Variants in ACVR2A observed in about 807,000 individuals in gnomAD.
The protein encoded by ACVR2A is activin A receptor type 2A.
A neutral mutation model predicts 61.4 loss-of-function variants in ACVR2A; 7 were observed. That is an observed-to-expected ratio of 0.11 (90% CI 0.06 to 0.21). The LOEUF is 0.21. ACVR2A is among the 10% of genes least tolerant of loss of function. ACVR2A has a pLI of 1.00. For synonymous variants in ACVR2A, 193 were observed against 208.3 expected (o/e 0.93, Z 0.63); for missense variants, 322 against 621.7 (o/e 0.52, Z 5.13).
At chr2:147,902,690 T>C (rs1027283863) in intron 4 of ACVR2A, among the ~76,000 whole-genome samples, 3 of 152,020 alleles carry the variant, frequency 2.0e-5, no homozygotes, top group African/African-American at 7.2e-5. Flanking sequence ...GTGATTGGGC[T>C]GTAGATAAAA....
At chr2:147,892,166 T>G (rs774953189) in intron 1 of ACVR2A, among the ~76,000 whole-genome samples, 18 of 152,000 alleles carry the variant, frequency 1.2e-4, no homozygotes, top group Non-Finnish European at 2.4e-4. Flanking sequence ...GAGAAGGGGT[T>G]TCACCATGTT....
intron 4 of ACVR2A, among the ~76,000 whole-genome samples, chr2:147,903,313 T>A (rs1686914872): frequency 6.6e-6 from 1 of 151,266 alleles, no homozygotes; most frequent in South Asian, 2.1e-4. Flanking sequence ...TTTATTCTTA[T>A]TCATCCTGGA....
chr2:147,912,031 A>T (rs1687132383), intron 4 of ACVR2A, among the ~76,000 whole-genome samples: 1 of 151,920 alleles, frequency 6.6e-6, no homozygotes, highest in African/African-American at 2.4e-5. Flanking sequence ...CTACAGGAGT[A>T]TAACTTTTGA....
intron 1 of ACVR2A, among the ~76,000 whole-genome samples, chr2:147,864,206 A>G (rs142615154): frequency 3.4e-3 from 510 of 152,054 alleles, no homozygotes; most frequent in East Asian, 8.3e-3. Context: ...TTCCTAATTG[A>G]AGGACCTCAA....
intron 2 of ACVR2A, chr2:147,896,816 A>C: frequency 4.4e-6 from 1 of 225,088 alleles, no homozygotes; most frequent in Non-Finnish European, 8.9e-6. Flanking sequence ...TTTAAGGAAA[A>C]CATTTAAAAA....
In ACVR2A at chr2:147,929,065, A is replaced by G. The variant is rs1049891994; in HGVS notation, c.*1791A>G. On this transcript the variant is annotated 3_prime_UTR_variant, in exon 11 of 11. Transcript: ENST00000241416. The stretch of plus-strand genomic sequence containing the variant: ...TAAATTAATTATGTTATTTATAAAC[A>G]ATACATAGGTCAACAGACTTTAAGC... 4.6e-5 allele frequency: 7 copies of G among 152,456 alleles called. No homozygotes were observed. Among genetic ancestry groups the G allele is most frequent in the African/African-American group, 1.7e-4 (7 of 41,432 alleles). 9.4% of individuals were successfully genotyped at this position (152,456 alleles called of 1,614,324 possible).
intron 4 of ACVR2A, among the ~76,000 whole-genome samples, chr2:147,902,391 A>G (rs747841565): frequency 2.0e-5 from 3 of 152,000 alleles, no homozygotes; most frequent in Non-Finnish European, 4.4e-5. Context: ...TTCATAAAGC[A>G]CATGCCTTTT....
intron 2 of ACVR2A, among the ~76,000 whole-genome samples, chr2:147,899,030 TAC>T (rs1293156753): frequency 6.6e-6 from 1 of 152,160 alleles, no homozygotes; most frequent in African/African-American, 2.4e-5. Flanking sequence ...TACACACACA[TAC>T]ACAGTTTTAT....
chr2:147,855,115 A>C (rs552225461), intron 1 of ACVR2A, among the ~76,000 whole-genome samples: 1 of 152,274 alleles, frequency 6.6e-6, no homozygotes, highest in African/African-American at 2.4e-5. Context: ...TCCTGTCTCA[A>C]GTGATCTGCC....
intron 1 of ACVR2A, among the ~76,000 whole-genome samples, chr2:147,848,852 A>G (rs1391117911): frequency 1.3e-5 from 2 of 152,110 alleles, no homozygotes; most frequent in African/African-American, 2.4e-5. Flanking sequence ...AAACTCTTAA[A>G]TTTTAAAAGC....
intron 1 of ACVR2A, among the ~76,000 whole-genome samples, chr2:147,885,105 T>C (rs1244452434): frequency 2.0e-5 from 3 of 152,114 alleles, no homozygotes; most frequent in African/African-American, 7.2e-5. Context: ...CTTACTATTC[T>C]AGGCCTTGTG....
Position 147,890,341 on chromosome 2 carries a change from A to AGTGTGTGTGTGTGTGTGT in ACVR2A, c.56-5949_56-5932dup, listed in dbSNP as rs60514095. On this transcript the variant is annotated intron_variant, in intron 1 of 10. Coordinates refer to ENST00000241416, the MANE Select transcript of ACVR2A (RefSeq NM_001616.5). ...AGGAAGTCCATGGCACCATTAGTATAGTGTGTGTGTGTGTGTGTGTGTGTG... is the reference window on the plus strand; with the variant it reads ...AGGAAGTCCATGGCACCATTAGTATAGTGTGTGTGTGTGTGTGTGTGTGTGTGTGTGTGTGTGTGTGTG... Among the ~76,000 whole-genome samples, 8 of 148,950 alleles carry AGTGTGTGTGTGTGTGTGT rather than the reference A, an allele frequency of 5.4e-5. No individual in the cohort carries two copies. In the East Asian group the frequency reaches 6.0e-4, roughly 11 times the overall value.
chr2:147,893,718 T>G (rs962501799), intron 1 of ACVR2A, among the ~76,000 whole-genome samples: 1 of 152,206 alleles, frequency 6.6e-6, no homozygotes, highest in Non-Finnish European at 1.5e-5. Flanking sequence ...ATTTAAATAA[T>G]TGGACAGTGT....
rs759141373 is a variant in ACVR2A, at chr2:147,923,118, GA to G, written c.1216+14del. ...CGCTGTACTGCTGCAGATGGTAAGG[GA>G]AAAAAATATTTTTAAAAAAGATATA... On this transcript the variant is annotated splice_region_variant and intron_variant, in intron 9 of 10. Coordinates refer to ENST00000241416, the MANE Select transcript of ACVR2A (RefSeq NM_001616.5). 1.1e-5 allele frequency: 18 copies of G among 1,598,790 alleles called. No homozygotes were observed. Among genetic ancestry groups the G allele is most frequent in the Middle Eastern group, 1.7e-4 (1 of 5,940 alleles).
intron 1 of ACVR2A, among the ~76,000 whole-genome samples, chr2:147,882,981 T>C (rs1401211258): frequency 6.6e-6 from 1 of 152,194 alleles, no homozygotes; most frequent in African/African-American, 2.4e-5. Flanking sequence ...TTATTCTCTT[T>C]CTTCATATAT....
intron 3 of ACVR2A, 32 bp from the exon 4 acceptor site, chr2:147,899,712 A>AAT: frequency 6.2e-7 from 1 of 1,609,844 alleles, no homozygotes; most frequent in Non-Finnish European, 8.5e-7. Flanking sequence ...TGTAGACCAA[A>AAT]TCTGAGTTAT....
chr2:147,861,942 G>A (rs536608279), intron 1 of ACVR2A, among the ~76,000 whole-genome samples: 1 of 150,052 alleles, frequency 6.7e-6, no homozygotes, highest in Admixed American at 6.6e-5. Context: ...GTCTGTTTCT[G>A]TTGATCCTAT....
At chr2:147,867,878 A>T (rs1265987049) in intron 1 of ACVR2A, among the ~76,000 whole-genome samples, 2 of 152,102 alleles carry the variant, frequency 1.3e-5, no homozygotes, top group Admixed American at 6.5e-5. Context: ...TCTGATCTTT[A>T]CTACCCTTGT....
chr2:147,903,269 G>C (rs1019982764), intron 4 of ACVR2A, among the ~76,000 whole-genome samples: 2 of 141,540 alleles, frequency 1.4e-5, no homozygotes, highest in African/African-American at 5.1e-5. Flanking sequence ...TTTTTCATAA[G>C]TCCTATATTT....
Sources: allele counts gnomAD v4.1 joint callset (sites outside exome capture counted in the v4.1 genomes callset), GRCh38; gene constraint gnomAD v4.1.1; transcripts MANE v1.5; gene names NCBI Gene and HGNC (gene_info 2026-07-23, HGNC 2026-07-21).